The following MT1X variants were observed in gnomAD, a reference collection of about 807,000 sequenced individuals.
MT1X encodes metallothionein-1X.
Under a neutral mutation model 8.6 loss-of-function variants are expected in MT1X, and 7 were observed. The ratio of observed to expected loss-of-function variants is 0.81; its 90% CI spans 0.46 to 1.52. The LOEUF (loss-of-function observed/expected upper bound fraction) is 1.52. MT1X is among the 40% of genes most tolerant of loss of function. The pLI is 0.01. For missense variants in MT1X, 72 were observed against 74.3 expected (o/e 0.97, Z 0.11); for synonymous variants, 25 against 27.6 (o/e 0.91, Z 0.30).
At chr16:56,683,077 AGAG>A in intron 1 of MT1X, 85 bp from the exon 2 acceptor site, 2 of 1,499,846 alleles carry the variant, frequency 1.3e-6, no homozygotes, top group South Asian at 1.2e-5. Flanking sequence ...CCTTCAGCAC[AGAG>A]GAGGGGTCAC....
At chr16:56,682,756 G>A (rs1427227677) in intron 1 of MT1X, 188 bp downstream of exon 1, 14 of 709,148 alleles carry the variant, frequency 2.0e-5, no homozygotes, top group Non-Finnish European at 2.8e-5. Flanking sequence ...AGTTAGAGTT[G>A]AGGGTACTGA....
chr16:56,683,827 T>G, intron 2 of MT1X, 131 bp from the exon 3 acceptor site: 1 of 1,350,020 alleles, frequency 7.4e-7, no homozygotes, highest in East Asian at 2.3e-5. Context: ...AGTTCTCTTC[T>G]GACAAAGCCA....
rs756486900 is a variant in MT1X, at chr16:56,683,199, C to T, written c.63C>T (p.Cys21=). The T allele has an allele frequency of 2.7e-5, 43 of 1,614,028 alleles. No individual in the cohort carries two copies. The highest frequency in any genetic ancestry group is 3.6e-5 in the Non-Finnish European group (42 of 1,179,930). Residue 21 remains cysteine, a synonymous_variant, in exon 2 of 3, where the codon TGC becomes TGT. Coordinates refer to ENST00000394485, the MANE Select transcript of MT1X (RefSeq NM_005952.4). ...GTGCCTGTGCCGGCTCCTGCAAATGCAAAGAGTGCAAATGCACCTCCTGCA... is the reference window on the plus strand; with the variant it reads ...GTGCCTGTGCCGGCTCCTGCAAATGTAAAGAGTGCAAATGCACCTCCTGCA... ...GSCACAGSCK[C]KECKCTSCKK...
At position 56,683,213 on chromosome 16, in the gene MT1X, G is replaced by A; in HGVS notation, c.77G>A (p.Cys26Tyr). The A allele has an allele frequency of 6.2e-7, 1 of 1,613,984 alleles. No homozygotes were observed. The highest frequency in any genetic ancestry group is 8.5e-7 in the Non-Finnish European group (1 of 1,179,902). ...TCCTGCAAATGCAAAGAGTGCAAATGCACCTCCTGCAAGAAGAGTGAGTGC... is the reference window on the plus strand; with the variant it reads ...TCCTGCAAATGCAAAGAGTGCAAATACACCTCCTGCAAGAAGAGTGAGTGC... ...AGSCKCKECK[C>Y]TSCKKSCCSC... Residue 26 changes from cysteine (C) to tyrosine (Y), a missense_variant, in exon 2 of 3, where the codon TGC becomes TAC. Physicochemically the swap from Cys to Tyr is radical, Grantham distance 194. Coordinates refer to ENST00000394485, the MANE Select transcript of MT1X (RefSeq NM_005952.4).
At chr16:56,682,881 GCC>G (rs1961018045) in intron 1 of MT1X, 3 of 591,532 alleles carry the variant, frequency 5.1e-6, no homozygotes, top group African/African-American at 3.7e-5. Context: ...GGGGGCCATT[GCC>G]TCTTCGGAGT....
chr16:56,683,252 C>T (rs763084443), intron 2 of MT1X, 22 bp downstream of exon 2: 6 of 1,612,842 alleles, frequency 3.7e-6, no homozygotes, highest in Admixed American at 3.3e-5. Flanking sequence ...GCCTTCCCTG[C>T]GAATCTGGGG....
At position 56,682,508 on chromosome 16, in the gene MT1X, T is replaced by A. The variant is rs57664183; in HGVS notation, c.-33T>A. ...TCTGTCCCGCTGCGTGTTTTCCTCT[T>A]GATCGGGAACTCCTGCTTCTCCTTG... On this transcript the variant is annotated 5_prime_UTR_variant, in exon 1 of 3. Coordinates refer to ENST00000394485, the MANE Select transcript of MT1X (RefSeq NM_005952.4). 7.0e-3 allele frequency: 11,238 copies of A among 1,614,008 alleles called. 603 individuals carry two copies. The African/African-American group carries it at 0.13, about 18-fold the overall frequency.
At chr16:56,682,927 C>A in intron 1 of MT1X, 1 of 606,418 alleles carries the variant, frequency 1.6e-6, no homozygotes, top group Non-Finnish European at 2.9e-6. Context: ...CTGTCTTAGC[C>A]TTCCTGGGCT....
At chr16:56,683,739 C>A (rs1961029732) in intron 2 of MT1X, 2 of 625,560 alleles carry the variant, frequency 3.2e-6, no homozygotes, top group Admixed American at 3.0e-5. Flanking sequence ...CACTACCTGT[C>A]CAGTCTTCTG....
At position 56,683,407 on chromosome 16, in the gene MT1X, A is replaced by G. The variant is rs868127507; in HGVS notation, c.94+177A>G. On this transcript the variant is annotated intron_variant, in intron 2 of 2. Transcript: ENST00000394485. ...AATGGGTGAGTCCCAGCCTCTTATT[A>G]CCAAACTAGAAACTGAGGCCCAGAG... 6.0e-6 allele frequency: 4 copies of G among 661,562 alleles called. No individual in the cohort carries two copies. The Middle Eastern group carries it at 1.0e-3, about 170-fold the overall frequency. The allele number at this position is 661,562 out of a possible 1,614,324, so 41.0% of individuals were successfully genotyped here.
chr16:56,684,149 T>C lies in MT1X; in HGVS notation c.*100T>C. On this transcript the variant is annotated 3_prime_UTR_variant, in exon 3 of 3. Transcript: ENST00000394485. The stretch of plus-strand genomic sequence containing the variant: ...GTACAACCCTGACCCGTTTGCTACA[T>C]CTTTTTTTCTATGAAATATGTGAAT... The C allele has an allele frequency of 7.3e-7, 1 of 1,376,126 alleles. No individual in the cohort carries two copies. The highest frequency in any genetic ancestry group is 9.8e-7 in the Non-Finnish European group (1 of 1,021,172). 85.2% of individuals were successfully genotyped at this position (1,376,126 alleles called of 1,614,324 possible).
Position 56,682,585 on chromosome 16 carries a change from T to C in MT1X, c.28+17T>C, listed in dbSNP as rs754070549. ...GCTCGCCTGGTAAGGGACACCTAGC[T>C]CCGCGCCTTGGGATGCCCGTTTCCC... On this transcript the variant is annotated intron_variant, in intron 1 of 2. Coordinates refer to ENST00000394485, the MANE Select transcript of MT1X (RefSeq NM_005952.4). The C allele has an allele frequency of 3.1e-6, 5 of 1,614,206 alleles. No homozygotes were observed. The highest frequency in any genetic ancestry group is 4.2e-6 in the Non-Finnish European group (5 of 1,180,010).
chr16:56,683,085 G>GGT, intron 1 of MT1X, 80 bp from the exon 2 acceptor site: 1 of 1,534,930 alleles, frequency 6.5e-7, no homozygotes, highest in South Asian at 1.1e-5. Context: ...ACAGAGGAGG[G>GGT]GTCACTGAAG....
At chr16:56,683,047 A>C in intron 1 of MT1X, 118 bp from the exon 2 acceptor site, 1 of 1,215,462 alleles carries the variant, frequency 8.2e-7, no homozygotes. Context: ...CTGAGTGGGA[A>C]AGGAGCTCTG....
chr16:56,683,577 C>T (rs1961027588), intron 2 of MT1X: 1 of 390,504 alleles, frequency 2.6e-6, no homozygotes. Context: ...ACCTAATGAT[C>T]CAGTCCTTTC....
In MT1X at chr16:56,682,475, G is replaced by C; in HGVS notation, c.-66G>C. The C allele has an allele frequency of 6.3e-7, 1 of 1,597,274 alleles. No homozygotes were observed. Among genetic ancestry groups the C allele is most frequent in the Non-Finnish European group, 8.6e-7 (1 of 1,165,044 alleles). On this transcript the variant is annotated 5_prime_UTR_variant, in exon 1 of 3. Coordinates refer to ENST00000394485, the MANE Select transcript of MT1X (RefSeq NM_005952.4). ...GCCGCCGGCTTCTGGGCTCCACCAC[G>C]CTTTTCATCTGTCCCGCTGCGTGTT...
chr16:56,682,965 G>T, intron 1 of MT1X, 200 bp from the exon 2 acceptor site: 2 of 654,736 alleles, frequency 3.1e-6, no homozygotes, highest in South Asian at 1.9e-5. Flanking sequence ...CCTTGCTTGT[G>T]GGGTAAAAGC....
At chr16:56,682,881 G>T (rs1267016329) in intron 1 of MT1X, 7 of 591,532 alleles carry the variant, frequency 1.2e-5, no homozygotes, top group Non-Finnish European at 2.1e-5. Context: ...GGGGGCCATT[G>T]CCTCTTCGGA....
In MT1X at chr16:56,684,085, C is replaced by A; in HGVS notation, c.*36C>A. 1 of 1,556,268 alleles carries A rather than the reference C, an allele frequency of 6.4e-7. No individual in the cohort carries two copies. ...GCTGTGCTCTCAGATGTAAATAGAG[C>A]AACCTATATAAACCTGGATTTTTTT... On this transcript the variant is annotated 3_prime_UTR_variant, in exon 3 of 3. Transcript: ENST00000394485.
Sources: allele counts gnomAD v4.1 joint callset, GRCh38; gene constraint gnomAD v4.1.1; transcripts MANE v1.5; gene names NCBI Gene and HGNC (gene_info 2026-07-23, HGNC 2026-07-21).